Variants in XRCC5 observed in about 807,000 individuals in gnomAD.
XRCC5 encodes the protein X-ray repair cross complementing 5, also known as DNA repair protein Ku80.
A neutral mutation model predicts 95.7 loss-of-function variants in XRCC5; 12 were observed. That is an observed-to-expected ratio of 0.13 (90% CI 0.08 to 0.20). The LOEUF (loss-of-function observed/expected upper bound fraction) is 0.20. Among genes scored for constraint, XRCC5 ranks in the 10% least tolerant of loss-of-function variants. The probability of loss-of-function intolerance (pLI) is 1.00; values close to 1 mark genes in which losing one functional copy is unlikely to be tolerated. For synonymous variants in XRCC5, 281 were observed against 290.3 expected (o/e 0.97, Z 0.33); for missense variants, 595 against 873.9 (o/e 0.68, Z 4.02).
intron 19 of XRCC5, among the ~76,000 whole-genome samples, chr2:216,197,937 A>G (rs552000621): frequency 2.0e-5 from 3 of 152,356 alleles, no homozygotes; most frequent in Admixed American, 6.5e-5. Context: ...ACAACACTAT[A>G]TACATCATAT....
chr2:216,111,468 G>A, intron 1 of XRCC5: 1 of 435,722 alleles, frequency 2.3e-6, no homozygotes, highest in South Asian at 1.6e-5. Flanking sequence ...AGGCAGTAGT[G>A]AGCCATGATC....
At chr2:216,203,872 T>C in intron 19 of XRCC5, 1 of 137,426 alleles carries the variant, frequency 7.3e-6, no homozygotes, top group Admixed American at 7.7e-5. Context: ...TTTTCCTGAT[T>C]CTTCATCATT....
Position 216,163,161 on chromosome 2 carries a change from G to T in XRCC5, c.1834+1113G>T, listed in dbSNP as rs145600007. On this transcript the variant is annotated intron_variant, in intron 16 of 20. Transcript: ENST00000392132. ...TCACTTTTTTTTTTTTAGTGACAGG[G>T]TCTCGCTGTGTCACCCAGGCTGGAG... is the stretch of plus-strand genomic sequence containing the variant. 7.9e-3 allele frequency among the ~76,000 whole-genome samples: 1,195 copies of T among 151,024 alleles called. 9 individuals carry two copies. Among genetic ancestry groups the T allele is most frequent in the African/African-American group, 0.027 (1,123 of 41,092 alleles).
chr2:216,195,018 AATT>A (rs752119528), intron 19 of XRCC5, 32 bp downstream of exon 19: 5 of 1,604,642 alleles, frequency 3.1e-6, no homozygotes, highest in Non-Finnish European at 3.4e-6. Context: ...TCTTTAGTTG[AATT>A]ATTATAGTGG....
chr2:216,134,435 T>C lies in XRCC5; in HGVS notation c.1113+2048T>C, dbSNP rs1244957880. The stretch of plus-strand genomic sequence containing the variant: ...TTCCTTCTTGTTTTTTTTTTTGTTT[T>C]TTTTTTTTGAGACGGAGTTTGGCTT... On this transcript the variant is annotated intron_variant, in intron 10 of 20. Transcript: ENST00000392132. Among the ~76,000 whole-genome samples, 5 of 151,822 alleles carry C rather than the reference T, an allele frequency of 3.3e-5. No homozygotes were observed. The East Asian group carries it at 7.7e-4, about 23-fold the overall frequency.
At chr2:216,147,389 G>A (rs114647388) in intron 13 of XRCC5, among the ~76,000 whole-genome samples, 1,905 of 152,230 alleles carry the variant, frequency 0.013, 53 homozygotes, top group African/African-American at 0.044. Flanking sequence ...AGGGTATGGT[G>A]AGCAGTTCAT....
At chr2:216,155,140 C>T (rs1688817629) in intron 14 of XRCC5, among the ~76,000 whole-genome samples, 2 of 143,664 alleles carry the variant, frequency 1.4e-5, no homozygotes, top group African/African-American at 2.6e-5. Context: ...GCAGGAGGAT[C>T]ATTTGAGCCC....
chr2:216,113,237 TG>T (rs1559235519), intron 2 of XRCC5, 108 bp downstream of exon 2: 2 of 885,978 alleles, frequency 2.3e-6, no homozygotes, highest in South Asian at 1.7e-5. Context: ...CCCCTCTGTT[TG>T]GGGGGATTCT....
At chr2:216,115,536 T>G (rs1696679900) in intron 2 of XRCC5, among the ~76,000 whole-genome samples, 1 of 69,852 alleles carries the variant, frequency 1.4e-5, no homozygotes, top group African/African-American at 3.1e-5. Flanking sequence ...CAACTGGGAA[T>G]TGTTGTGTTG....
chr2:216,181,477 A>G (rs1396736625), intron 16 of XRCC5, among the ~76,000 whole-genome samples: 1 of 152,164 alleles, frequency 6.6e-6, no homozygotes, highest in African/African-American at 2.4e-5. Context: ...CTTGTATTCA[A>G]ACCATGTTCC....
At chr2:216,151,842 A>T (rs1353688697) in intron 14 of XRCC5, among the ~76,000 whole-genome samples, 1 of 152,218 alleles carries the variant, frequency 6.6e-6, no homozygotes, top group African/African-American at 2.4e-5. Context: ...CTATAAAGAA[A>T]TACCCAAGAC....
intron 16 of XRCC5, chr2:216,176,141 C>CG (rs1574479531): frequency 1.2e-5 from 2 of 167,322 alleles, no homozygotes; most frequent in Non-Finnish European, 2.5e-5. Flanking sequence ...TTTTTGGATA[C>CG]GGGGTCTCAC....
At chr2:216,120,661 A>G (rs1299374437) in intron 5 of XRCC5, among the ~76,000 whole-genome samples, 1 of 152,106 alleles carries the variant, frequency 6.6e-6, no homozygotes, top group African/African-American at 2.4e-5. Flanking sequence ...GTTCAAGTGA[A>G]CCTCCTACCG....
At chr2:216,115,700 T>A (rs1243091836) in intron 2 of XRCC5, among the ~76,000 whole-genome samples, 1 of 152,234 alleles carries the variant, frequency 6.6e-6, no homozygotes, top group Non-Finnish European at 1.5e-5. Flanking sequence ...TTTTTTGTTT[T>A]TATATTTCAT....
chr2:216,189,278 A>G (rs963785706), intron 16 of XRCC5, among the ~76,000 whole-genome samples: 2 of 152,238 alleles, frequency 1.3e-5, no homozygotes, highest in African/African-American at 4.8e-5. Flanking sequence ...TATCTTGAAC[A>G]TTCAGCATAA....
chr2:216,172,890 TACTC>T (rs1360418223), intron 16 of XRCC5, among the ~76,000 whole-genome samples: 1 of 152,230 alleles, frequency 6.6e-6, no homozygotes, highest in African/African-American at 2.4e-5. Flanking sequence ...ATGGAATAGT[TACTC>T]ATTTATTTAG....
chr2:216,162,279 A>C (rs1306879023), intron 16 of XRCC5, among the ~76,000 whole-genome samples: 1 of 152,136 alleles, frequency 6.6e-6, no homozygotes, highest in Non-Finnish European at 1.5e-5. Context: ...CTCCCTACAG[A>C]AAAACTTTGG....
intron 16 of XRCC5, among the ~76,000 whole-genome samples, chr2:216,166,496 T>TA (rs1465280889): frequency 3.3e-5 from 5 of 152,222 alleles, no homozygotes; most frequent in African/African-American, 1.2e-4. Context: ...TTTCCCTACA[T>TA]ACACTATTCA....
Position 216,126,040 on chromosome 2 carries a change from C to A in XRCC5, c.798+9C>A. The A allele has an allele frequency of 6.2e-7, 1 of 1,600,538 alleles. No homozygotes were observed. The highest frequency in any genetic ancestry group is 8.6e-7 in the Non-Finnish European group (1 of 1,168,332). ...TTGCAGCCTATAAATCGGTAAGTGGCAGGTACACATTTTTAACAGAAATGT... is the reference window on the plus strand; with the variant it reads ...TTGCAGCCTATAAATCGGTAAGTGGAAGGTACACATTTTTAACAGAAATGT... On this transcript the variant is annotated intron_variant, in intron 7 of 20. Coordinates refer to ENST00000392132, the MANE Select transcript of XRCC5 (RefSeq NM_021141.4).
Sources: allele counts gnomAD v4.1 joint callset (sites outside exome capture counted in the v4.1 genomes callset), GRCh38; gene constraint gnomAD v4.1.1; transcripts MANE v1.5; gene names NCBI Gene and HGNC (gene_info 2026-07-23, HGNC 2026-07-21).